The following TARS3 variants were observed in gnomAD, a reference collection of about 807,000 sequenced individuals.
TARS3 encodes threonyl-tRNA synthetase 3, also known as threonine--tRNA ligase 2, cytoplasmic.
TARS3 carries 94 observed loss-of-function variants against 103.5 expected under a neutral mutation model. The ratio of observed to expected loss-of-function variants is 0.91; its 90% CI spans 0.77 to 1.08. The LOEUF (loss-of-function observed/expected upper bound fraction) is 1.08, where lower values mean the gene tolerates loss of function less well. Ranked by LOEUF, TARS3 falls within the 50% of genes least tolerant of loss-of-function variation. The pLI is 0.00. For missense variants in TARS3, 952 were observed against 995.2 expected, an observed-to-expected ratio of 0.96 and a Z score of 0.58; for synonymous variants, 416 against 355.4, an observed-to-expected ratio of 1.17 and a Z score of -1.92.
intron 5 of TARS3, among the ~76,000 whole-genome samples, chr15:101,710,758 T>C (rs909943270): frequency 6.6e-6 from 1 of 151,956 alleles, no homozygotes; most frequent in Non-Finnish European, 1.5e-5. Context: ...AAAGACAAAA[T>C]GCACCATAGT....
At chr15:101,684,946 T>C (rs764542967) in intron 11 of TARS3, among the ~76,000 whole-genome samples, 38 of 152,242 alleles carry the variant, frequency 2.5e-4, no homozygotes, top group Admixed American at 1.2e-3. Flanking sequence ...AGTTAAGAAA[T>C]TGTTAACACA....
At chr15:101,699,159 A>G (rs930450984) in intron 10 of TARS3, among the ~76,000 whole-genome samples, 8 of 152,214 alleles carry the variant, frequency 5.3e-5, no homozygotes, top group South Asian at 2.1e-4. Flanking sequence ...CACAACCATA[A>G]TAACAAAAAA....
At chr15:101,663,580 T>C (rs1897466164) in intron 15 of TARS3, among the ~76,000 whole-genome samples, 1 of 152,250 alleles carries the variant, frequency 6.6e-6, no homozygotes, top group Non-Finnish European at 1.5e-5. Flanking sequence ...ATATTTTCTA[T>C]TTTGTGGTTG....
intron 16 of TARS3, 72 bp downstream of exon 16, chr15:101,661,640 G>T: frequency 1.0e-6 from 1 of 957,660 alleles, no homozygotes; most frequent in Non-Finnish European, 1.5e-6. Context: ...TTTTTAAAAA[G>T]GAAAAATGAG....
intron 18 of TARS3, among the ~76,000 whole-genome samples, chr15:101,654,949 G>T (rs1474826851): frequency 6.6e-6 from 1 of 152,260 alleles, no homozygotes; most frequent in Non-Finnish European, 1.5e-5. Flanking sequence ...AGCTCTTGTG[G>T]TCCTGGGGTG....
At chr15:101,675,849 G>T in intron 12 of TARS3, 112 bp from the exon 13 acceptor site, 1 of 1,202,166 alleles carries the variant, frequency 8.3e-7, no homozygotes, top group Non-Finnish European at 1.1e-6. Context: ...ATGGAGTACA[G>T]TTGATGATCC....
rs533252670 is a variant in TARS3, at chr15:101,698,933, A to C, written c.1320+2153T>G. Among the ~76,000 whole-genome samples, 9 of 152,274 alleles carry C rather than the reference A, an allele frequency of 5.9e-5. No individual in the cohort carries two copies. In the East Asian group the frequency reaches 1.5e-3, roughly 26 times the overall value. Reference sequence around the variant, plus strand: ...CCACCAGCCTGTCAAGTGGAAACCCAAGGGGGTCATGACCTAGAAACAGGA... The same window carrying C: ...CCACCAGCCTGTCAAGTGGAAACCCCAGGGGGTCATGACCTAGAAACAGGA... On this transcript the variant is annotated intron_variant, in intron 10 of 18. Transcript: ENST00000335968.
At chr15:101,698,583 C>G (rs1296196026) in intron 10 of TARS3, among the ~76,000 whole-genome samples, 1 of 152,120 alleles carries the variant, frequency 6.6e-6, no homozygotes, top group Non-Finnish European at 1.5e-5. Flanking sequence ...TACCCCACTC[C>G]TTTTTGAGTA....
rs1177958536 is a variant in TARS3 at position 101,715,159 on chromosome 15, T to C, written c.567-196A>G. Among the ~76,000 whole-genome samples the C allele has an allele frequency of 1.3e-5, 2 of 151,490 alleles. 1 individual carries two copies. Among genetic ancestry groups the C allele is most frequent in the Non-Finnish European group, 3.0e-5 (2 of 67,696 alleles). On this transcript the variant is annotated intron_variant, in intron 3 of 18. Transcript: ENST00000335968. ...TAATATACATTCACTGTTTTTTTTT[T>C]TTTTTGAGACGGAGTCTCGCTCTGT...
intron 10 of TARS3, among the ~76,000 whole-genome samples, chr15:101,697,020 G>A (rs1899015105): frequency 6.6e-6 from 1 of 152,152 alleles, no homozygotes; most frequent in Non-Finnish European, 1.5e-5. Flanking sequence ...TGCTTACTAT[G>A]TATATAAATG....
intron 10 of TARS3, among the ~76,000 whole-genome samples, chr15:101,699,622 C>T (rs1042101902): frequency 6.6e-5 from 10 of 152,162 alleles, no homozygotes; most frequent in African/African-American, 2.2e-4. Flanking sequence ...CTCTGATAAT[C>T]TTCAGTGATT....
intron 10 of TARS3, among the ~76,000 whole-genome samples, chr15:101,689,785 T>C (rs1445753698): frequency 1.3e-5 from 2 of 152,204 alleles, no homozygotes; most frequent in African/African-American, 2.4e-5. Flanking sequence ...TTGTTTTAAG[T>C]CACCTAGTTT....
chr15:101,721,550 A>G (rs1900460818), intron 2 of TARS3, among the ~76,000 whole-genome samples: 1 of 152,174 alleles, frequency 6.6e-6, no homozygotes, highest in Non-Finnish European at 1.5e-5. Context: ...GCTGGAGTGC[A>G]GGGGCACGAA....
At chr15:101,710,041 G>C (rs1314672257) in intron 5 of TARS3, among the ~76,000 whole-genome samples, 2 of 152,200 alleles carry the variant, frequency 1.3e-5, no homozygotes, top group Admixed American at 1.3e-4. Context: ...ACCCCCACCT[G>C]CCTCCTTAGG....
intron 13 of TARS3, among the ~76,000 whole-genome samples, chr15:101,674,380 G>T (rs532241892): frequency 9.8e-5 from 15 of 152,286 alleles, no homozygotes; most frequent in African/African-American, 3.6e-4. Flanking sequence ...CTCCTATGCT[G>T]AAGTTGCTAA....
chr15:101,700,372 A>T (rs888030934), intron 10 of TARS3, among the ~76,000 whole-genome samples: 1 of 152,230 alleles, frequency 6.6e-6, no homozygotes, highest in African/African-American at 2.4e-5. Flanking sequence ...CCTGGGAGTC[A>T]TGCTATAGGC....
At chr15:101,684,018 T>G in intron 12 of TARS3, 57 bp downstream of exon 12, 1 of 1,537,174 alleles carries the variant, frequency 6.5e-7, no homozygotes, top group Non-Finnish European at 8.9e-7. Flanking sequence ...ACAAGATGTG[T>G]GCGGGGCATC....
Position 101,657,193 on chromosome 15 carries a change from G to A in TARS3, c.2146-157C>T, listed in dbSNP as rs528130971. On this transcript the variant is annotated intron_variant, in intron 17 of 18. Coordinates refer to ENST00000335968, the MANE Select transcript of TARS3 (RefSeq NM_152334.3). ...GACCATAAAGAAGTGCGGAAGTGTC[G>A]GCGCATCGTTTCTGAGACTAGTTTA... Among the ~76,000 whole-genome samples, 19 of 152,284 alleles carry A rather than the reference G, an allele frequency of 1.2e-4. No homozygotes were observed. In the South Asian group the frequency reaches 3.3e-3, roughly 27 times the overall value.
At chr15:101,693,928 G>A (rs1898849616) in intron 10 of TARS3, among the ~76,000 whole-genome samples, 1 of 152,070 alleles carries the variant, frequency 6.6e-6, no homozygotes, top group Non-Finnish European at 1.5e-5. Context: ...AGTTTTGAGG[G>A]GTGACGGAAC....
Sources: gnomAD v4.1 joint callset for allele counts (sites outside exome capture counted in the v4.1 genomes callset) on GRCh38, gnomAD v4.1.1 for gene constraint, MANE v1.5 for transcripts, NCBI Gene and HGNC (gene_info 2026-07-23, HGNC 2026-07-21) for gene names.